LDB2: variants seen among roughly 807,000 people sequenced by gnomAD.
LDB2 encodes the protein LIM domain binding 2, also known as LIM domain-binding protein 2.
Under a neutral mutation model 44.3 loss-of-function variants are expected in LDB2, and 12 were observed. The ratio of observed to expected loss-of-function variants is 0.27; its 90% CI spans 0.17 to 0.44. LDB2 has a LOEUF of 0.44. Among genes scored for constraint, LDB2 ranks in the 20% least tolerant of loss-of-function variants. The pLI, the probability that LDB2 is intolerant of heterozygous loss-of-function variation, is 1.00. For synonymous variants in LDB2, 164 were observed against 174.8 expected (o/e 0.94, Z 0.49); for missense variants, 344 against 473.5 (o/e 0.73, Z 2.54).
chr4:16,770,980 A>G (rs1457799599), intron 1 of LDB2, among the ~76,000 whole-genome samples: 2 of 152,198 alleles, frequency 1.3e-5, no homozygotes, highest in Non-Finnish European at 2.9e-5. Context: ...CAAGTCGTAT[A>G]TCTTGAGAAA....
rs1404978312 is a variant in LDB2, at chr4:16,690,481, G to GGAA, written c.235+68676_235+68677insTTC. 1.8e-4 allele frequency among the ~76,000 whole-genome samples: 3 copies of GGAA among 17,112 alleles called. 1 individual carries two copies. Among genetic ancestry groups the GGAA allele is most frequent in the East Asian group, 3.1e-3 (2 of 636 alleles). 11.2% of individuals were successfully genotyped at this position (17,112 alleles called of 152,430 possible). A position where few individuals can be genotyped will look rare whatever the true frequency, so the allele number is the denominator to read the frequency against. Reference sequence around the variant, plus strand: ...CTGCAGGAAGGAAGGAAGGAAGGAAGGGAGGGAGGGAGGGAGGGAGGGAGG... The same window carrying GGAA: ...CTGCAGGAAGGAAGGAAGGAAGGAAGGAAGGAGGGAGGGAGGGAGGGAGGGAGG... On this transcript the variant is annotated intron_variant, in intron 2 of 7. Transcript: ENST00000304523.
At chr4:16,719,326 A>T (rs1042774673) in intron 2 of LDB2, among the ~76,000 whole-genome samples, 1 of 152,166 alleles carries the variant, frequency 6.6e-6, no homozygotes, top group Non-Finnish European at 1.5e-5. Flanking sequence ...GAAAGTGTGT[A>T]CATAGAGCCA....
intron 2 of LDB2, among the ~76,000 whole-genome samples, chr4:16,752,095 C>T (rs915890195): frequency 1.3e-5 from 2 of 152,172 alleles, no homozygotes; most frequent in African/African-American, 4.8e-5. Flanking sequence ...TGTTTTTAAG[C>T]AACCAAGATG....
At chr4:16,599,049 T>C (rs1377064775) in intron 2 of LDB2, among the ~76,000 whole-genome samples, 1 of 152,118 alleles carries the variant, frequency 6.6e-6, no homozygotes, top group Non-Finnish European at 1.5e-5. Flanking sequence ...TATCTGACTC[T>C]GTGCAACACA....
chr4:16,853,560 C>A (rs974114580), intron 1 of LDB2, among the ~76,000 whole-genome samples: 3 of 152,134 alleles, frequency 2.0e-5, no homozygotes, highest in Non-Finnish European at 4.4e-5. Context: ...TTACGGAAAA[C>A]AGGATGGAGG....
intron 5 of LDB2, among the ~76,000 whole-genome samples, chr4:16,557,441 G>A (rs548327432): frequency 5.9e-5 from 9 of 152,284 alleles, no homozygotes; most frequent in East Asian, 3.9e-4. Context: ...CTACGCCCAC[G>A]GAATCTCGCT....
At chr4:16,815,594 A>T (rs879892345) in intron 1 of LDB2, among the ~76,000 whole-genome samples, 35 of 152,300 alleles carry the variant, frequency 2.3e-4, no homozygotes, top group Non-Finnish European at 4.6e-4. Flanking sequence ...TCTGTCTTAC[A>T]GCCTTTTCCA....
At chr4:16,590,854 G>A (rs1344064615) in intron 3 of LDB2, among the ~76,000 whole-genome samples, 2 of 152,160 alleles carry the variant, frequency 1.3e-5, no homozygotes, top group Admixed American at 6.5e-5. Flanking sequence ...ATAGAAAAGG[G>A]AGAAGACTTC....
intron 2 of LDB2, among the ~76,000 whole-genome samples, chr4:16,598,287 T>C (rs374913978): frequency 6.6e-6 from 1 of 152,214 alleles, no homozygotes; most frequent in African/African-American, 2.4e-5. Flanking sequence ...TCAGTTGCTA[T>C]GTACAAAGTC....
intron 2 of LDB2, among the ~76,000 whole-genome samples, chr4:16,656,448 C>T (rs1739888234): frequency 6.6e-6 from 1 of 152,174 alleles, no homozygotes. Context: ...ATACGCCAGC[C>T]ACCAGCCACA....
Position 16,502,514 on chromosome 4 carries a change from T to C in LDB2, c.*129A>G. 8.3e-7 allele frequency: 1 copy of C among 1,210,160 alleles called. No homozygotes were observed. The highest frequency in any genetic ancestry group is 1.2e-6 in the Non-Finnish European group (1 of 851,596). The allele number at this position is 1,210,160 out of a possible 1,614,324, so 75.0% of individuals were successfully genotyped here. ...GAAAGAAGAAAGAAAATCAGATCATTGTGGTTTAGAAATAGATATTTGCAT... is the reference window on the plus strand; with the variant it reads ...GAAAGAAGAAAGAAAATCAGATCATCGTGGTTTAGAAATAGATATTTGCAT... On this transcript the variant is annotated 3_prime_UTR_variant, in exon 8 of 8. Transcript: ENST00000304523.
In LDB2 at chr4:16,699,672, A is replaced by T. The variant is rs760115437; in HGVS notation, c.235+59486T>A. ...GGCAATAATTGCAACTTTCAAAAAT[A>T]AAAACTGTAGAGAAAAGGAAGAAGG... On this transcript the variant is annotated intron_variant, in intron 2 of 7. Coordinates refer to ENST00000304523, the MANE Select transcript of LDB2 (RefSeq NM_001290.5). Among the ~76,000 whole-genome samples the T allele has an allele frequency of 2.2e-4, 33 of 152,352 alleles. 1 individual carries two copies. The highest frequency in any genetic ancestry group is 6.8e-3 in the Middle Eastern group (2 of 294).
At chr4:16,665,160 A>G (rs1742694381) in intron 2 of LDB2, among the ~76,000 whole-genome samples, 1 of 152,132 alleles carries the variant, frequency 6.6e-6, no homozygotes, top group Non-Finnish European at 1.5e-5. Context: ...TCCCCACTGC[A>G]GCCTCCAGTT....
intron 2 of LDB2, among the ~76,000 whole-genome samples, chr4:16,703,277 G>A (rs1514643): frequency 0.1 from 15,520 of 152,258 alleles, 1,011 homozygotes; most frequent in Admixed American, 0.17. Flanking sequence ...TATTTAAGCA[G>A]AGTCATGAAG....
intron 2 of LDB2, among the ~76,000 whole-genome samples, chr4:16,749,585 A>AG (rs1286999324): frequency 2.3e-5 from 3 of 133,130 alleles, no homozygotes; most frequent in Non-Finnish European, 3.4e-5. Context: ...AAAAAATAAA[A>AG]AAAAATATAT....
At chr4:16,876,364 G>C (rs1554059628) in intron 1 of LDB2, among the ~76,000 whole-genome samples, 1 of 152,140 alleles carries the variant, frequency 6.6e-6, no homozygotes, top group Non-Finnish European at 1.5e-5. Flanking sequence ...TTTCCCTAAA[G>C]GAGTCAAAAC....
intron 2 of LDB2, among the ~76,000 whole-genome samples, chr4:16,641,531 C>A (rs1389251980): frequency 6.6e-6 from 1 of 152,034 alleles, no homozygotes; most frequent in Non-Finnish European, 1.5e-5. Context: ...GAAGGTGAAG[C>A]AGAAACAGGT....
chr4:16,603,045 A>G (rs548776125), intron 2 of LDB2, among the ~76,000 whole-genome samples: 1 of 152,306 alleles, frequency 6.6e-6, no homozygotes, highest in African/African-American at 2.4e-5. Context: ...CGACATATTC[A>G]GGTTATTTTG....
At chr4:16,705,817 G>C (rs1305366880) in intron 2 of LDB2, among the ~76,000 whole-genome samples, 1 of 151,964 alleles carries the variant, frequency 6.6e-6, no homozygotes, top group African/African-American at 2.4e-5. Context: ...AATATTTAAT[G>C]GTCTATCATG....
Sources: gnomAD v4.1 joint callset for allele counts (sites outside exome capture counted in the v4.1 genomes callset) on GRCh38, gnomAD v4.1.1 for gene constraint, MANE v1.5 for transcripts, NCBI Gene and HGNC (gene_info 2026-07-23, HGNC 2026-07-21) for gene names.